Variants in CDH7 observed in about 807,000 individuals in gnomAD.
CDH7 encodes the protein cadherin-7.
Under a neutral mutation model 71.8 loss-of-function variants are expected in CDH7, and 25 were observed. The observed-to-expected ratio is 0.35, with a 90% CI of 0.25 to 0.49. CDH7 has a LOEUF of 0.49. Ranked by LOEUF, CDH7 falls within the 20% of genes least tolerant of loss-of-function variation. The probability of loss-of-function intolerance (pLI) is 0.99; values close to 1 mark genes in which losing one functional copy is unlikely to be tolerated. For synonymous variants in CDH7, 381 were observed against 363.8 expected (o/e 1.05, Z -0.54); for missense variants, 862 against 974.6 (o/e 0.88, Z 1.54).
intron 10 of CDH7, among the ~76,000 whole-genome samples, chr18:65,860,841 T>G (rs1913538955): frequency 6.6e-6 from 1 of 152,148 alleles, no homozygotes; most frequent in African/African-American, 2.4e-5. Context: ...TCAAAAAAAT[T>G]CAATCTGAAA....
At chr18:65,788,015 A>G (rs1910575651) in intron 2 of CDH7, among the ~76,000 whole-genome samples, 1 of 152,188 alleles carries the variant, frequency 6.6e-6, no homozygotes, top group African/African-American at 2.4e-5. Context: ...TTAAAATATT[A>G]GGCAAAGAGA....
intron 2 of CDH7, among the ~76,000 whole-genome samples, chr18:65,781,819 C>CT (rs1910225190): frequency 2.7e-3 from 120 of 43,878 alleles, no homozygotes; most frequent in Middle Eastern, 0.017. Flanking sequence ...TCCTTCCTTC[C>CT]TTCTTTCTTT....
chr18:65,858,647 A>G (rs939016156), intron 8 of CDH7, among the ~76,000 whole-genome samples: 1 of 152,018 alleles, frequency 6.6e-6, no homozygotes, highest in Non-Finnish European at 1.5e-5. Context: ...CACACATATA[A>G]TCATGTATAT....
At chr18:65,778,281 A>T (rs894165312) in intron 2 of CDH7, among the ~76,000 whole-genome samples, 19 of 150,276 alleles carry the variant, frequency 1.3e-4, no homozygotes, top group South Asian at 4.2e-4. Context: ...CAAAAAAAAA[A>T]AAAAAAAAAA....
At position 65,885,372 on chromosome 18, in the gene CDH7, G is replaced by GGTTTTTTTTTTTTTTTTTTT. The variant is rs1914341981; in HGVS notation, c.*4478_*4479insGTTTTTTTTTTTTTTTTTTT. 1.4e-5 allele frequency: 1 copy of GGTTTTTTTTTTTTTTTTTTT among 69,436 alleles called. No homozygotes were observed. Among genetic ancestry groups the GGTTTTTTTTTTTTTTTTTTT allele is most frequent in the Non-Finnish European group, 2.7e-5 (1 of 37,390 alleles). 4.3% of individuals were successfully genotyped at this position (69,436 alleles called of 1,614,324 possible). On this transcript the variant is annotated 3_prime_UTR_variant, in exon 12 of 12. Transcript: ENST00000397968. ...GTAACTGAAAAGGATGTGTGCCTGT[G>GGTTTTTTTTTTTTTTTTTTT]TTTTTTTTTTTTTTTTTTTTTTTGA...
chr18:65,754,091 C>A (rs1215851316), intron 1 of CDH7, among the ~76,000 whole-genome samples: 1 of 152,186 alleles, frequency 6.6e-6, no homozygotes, highest in Non-Finnish European at 1.5e-5. Context: ...CATTTTATTA[C>A]ATAAATAACT....
chr18:65,785,596 A>G (rs1910484527), intron 2 of CDH7, among the ~76,000 whole-genome samples: 1 of 151,154 alleles, frequency 6.6e-6, no homozygotes, highest in African/African-American at 2.5e-5. Flanking sequence ...AAAATCTTTG[A>G]AAAAAAAGAA....
intron 6 of CDH7, among the ~76,000 whole-genome samples, chr18:65,841,747 T>C (rs1912741436): frequency 6.6e-6 from 1 of 152,128 alleles, no homozygotes; most frequent in Non-Finnish European, 1.5e-5. Context: ...CTTCTAAAAA[T>C]ATATCTGCCT....
chr18:65,820,721 G>C (rs892428777), intron 4 of CDH7, among the ~76,000 whole-genome samples: 1 of 152,076 alleles, frequency 6.6e-6, no homozygotes, highest in African/African-American at 2.4e-5. Context: ...CTTATAAAAA[G>C]ACAATTAGAA....
chr18:65,839,231 G>T (rs1462283361), intron 6 of CDH7, among the ~76,000 whole-genome samples: 3 of 152,156 alleles, frequency 2.0e-5, no homozygotes, highest in Non-Finnish European at 2.9e-5. Context: ...TACTATAACA[G>T]AAATATATGC....
At chr18:65,807,259 G>A (rs928232411) in intron 2 of CDH7, among the ~76,000 whole-genome samples, 2 of 152,060 alleles carry the variant, frequency 1.3e-5, no homozygotes, top group African/African-American at 4.8e-5. Context: ...TTAATAAAAC[G>A]CAGCATCAGA....
At chr18:65,869,551 T>C (rs1913866172) in intron 11 of CDH7, among the ~76,000 whole-genome samples, 1 of 137,916 alleles carries the variant, frequency 7.3e-6, no homozygotes, top group African/African-American at 2.7e-5. Context: ...GTCAATTTTT[T>C]TTTTTTTTTT....
chr18:65,763,155 G>T, intron 2 of CDH7, 103 bp downstream of exon 2: 1 of 600,052 alleles, frequency 1.7e-6, no homozygotes, highest in Non-Finnish European at 2.6e-6. Flanking sequence ...TTGCTATGGG[G>T]ATGGTAAACA....
At chr18:65,843,265 T>C (rs144772885) in intron 6 of CDH7, among the ~76,000 whole-genome samples, 66 of 152,240 alleles carry the variant, frequency 4.3e-4, no homozygotes, top group African/African-American at 1.6e-3. Flanking sequence ...GCAGACATGA[T>C]GGGTGCTTCA....
chr18:65,872,126 A>C (rs1320144869), intron 11 of CDH7, among the ~76,000 whole-genome samples: 1 of 152,192 alleles, frequency 6.6e-6, no homozygotes, highest in Non-Finnish European at 1.5e-5. Context: ...AAGCAGCTGC[A>C]TTGTTTACTA....
Position 65,828,582 on chromosome 18 carries a change from C to A in CDH7, c.981+3751C>A, listed in dbSNP as rs150743053. The stretch of plus-strand genomic sequence containing the variant: ...TGTGTTAATAGAATAATTGTGTTAT[C>A]AGTAAGGCTTCTGGTCAACAGTAGG... On this transcript the variant is annotated intron_variant, in intron 6 of 11. Coordinates refer to ENST00000397968, the MANE Select transcript of CDH7 (RefSeq NM_004361.5). Among the ~76,000 whole-genome samples, 459 of 151,928 alleles carry A rather than the reference C, an allele frequency of 3.0e-3. 6 individuals carry two copies. The highest frequency in any genetic ancestry group is 5.3e-3 in the African/African-American group (221 of 41,448).
chr18:65,814,562 A>G lies in CDH7; in HGVS notation c.583A>G (p.Ile195Val). ...CAACAGTGCCAGAGTGGTCTACAGT[A>G]TTCTGCAAGGACAGCCGTACTTCTC... ...YGNSARVVYS[I>V]LQGQPYFSVE... is the part of the protein sequence containing the mutation. The change falls in exon 4 of 12, where the codon ATT becomes GTT. Residue 195 changes from isoleucine (I) to valine (V), a missense_variant. Ile to Val is a conservative substitution (Grantham distance 29, BLOSUM62 3). Transcript: ENST00000397968. 1 of 1,613,774 alleles carries G rather than the reference A, an allele frequency of 6.2e-7. No individual in the cohort carries two copies. Among genetic ancestry groups the G allele is most frequent in the South Asian group, 1.1e-5 (1 of 91,024 alleles).
intron 3 of CDH7, 53 bp downstream of exon 3, chr18:65,810,051 G>C: frequency 7.2e-7 from 1 of 1,385,820 alleles, no homozygotes; most frequent in Admixed American, 2.0e-5. Context: ...GGGGAGATTT[G>C]TATTTAAAAT....
intron 4 of CDH7, among the ~76,000 whole-genome samples, chr18:65,815,974 G>A (rs910731293): frequency 6.6e-6 from 1 of 152,036 alleles, no homozygotes; most frequent in Non-Finnish European, 1.5e-5. Flanking sequence ...TAAGTCCAAG[G>A]ATAAAATATT....
Sources: gnomAD v4.1 joint callset for allele counts (sites outside exome capture counted in the v4.1 genomes callset) on GRCh38, gnomAD v4.1.1 for gene constraint, MANE v1.5 for transcripts, NCBI Gene and HGNC (gene_info 2026-07-23, HGNC 2026-07-21) for gene names.